Variants in LRRC7 observed in about 807,000 individuals in gnomAD.
LRRC7 encodes leucine rich repeat containing 7, also known as leucine-rich repeat-containing protein 7.
A neutral mutation model predicts 175.7 loss-of-function variants in LRRC7; 23 were observed. That is an observed-to-expected ratio of 0.13 (90% CI 0.09 to 0.19). The LOEUF (loss-of-function observed/expected upper bound fraction) is 0.19. Among genes scored for constraint, LRRC7 ranks in the 10% least tolerant of loss-of-function variants. LRRC7 has a pLI of 1.00. For synonymous variants in LRRC7, 685 were observed against 680.9 expected (o/e 1.01, Z -0.09); for missense variants, 1,354 against 1,904.7 (o/e 0.71, Z 5.38).
At chr1:70,120,588 CTAAT>C (rs1558085464) in intron 26 of LRRC7, among the ~76,000 whole-genome samples, 1 of 151,866 alleles carries the variant, frequency 6.6e-6, no homozygotes, top group Non-Finnish European at 1.5e-5. Flanking sequence ...CTGAAAGAGT[CTAAT>C]TATTAAGTGA....
intron 23 of LRRC7, among the ~76,000 whole-genome samples, chr1:70,074,450 G>A (rs1466131443): frequency 6.6e-6 from 1 of 152,160 alleles, no homozygotes; most frequent in East Asian, 1.9e-4. Flanking sequence ...GAAAGGAATA[G>A]ATACAATAGA....
At chr1:69,903,317 C>T (rs1298908115) in intron 7 of LRRC7, among the ~76,000 whole-genome samples, 3 of 152,120 alleles carry the variant, frequency 2.0e-5, no homozygotes, top group African/African-American at 7.2e-5. Context: ...TGGTTGCAGC[C>T]CACAGAGGGC....
chr1:69,661,719 A>G (rs1277074916), intron 1 of LRRC7, among the ~76,000 whole-genome samples: 1 of 152,184 alleles, frequency 6.6e-6, no homozygotes, highest in Admixed American at 6.5e-5. Flanking sequence ...GCAGAAGTCC[A>G]GGGAAGCACT....
intron 7 of LRRC7, among the ~76,000 whole-genome samples, chr1:69,865,454 T>C (rs1452865732): frequency 4.9e-5 from 7 of 142,584 alleles, no homozygotes; most frequent in Admixed American, 1.5e-4. Context: ...ATAAGCAAGC[T>C]GCTGAAGACA....
In LRRC7 at chr1:70,082,781, ATTTTTTTTTTTTT is replaced by A. The variant is rs1172403797; in HGVS notation, c.4452+6502_4452+6514del. On this transcript the variant is annotated intron_variant, in intron 24 of 26. Coordinates refer to ENST00000651989, the MANE Select transcript of LRRC7 (RefSeq NM_001370785.2). ...TATTAGTCAATCTTGATACCAGTAC[ATTTTTTTTTTTTT>A]TTTTTTTTTTTTTTTTTTGAGACAA... Among the ~76,000 whole-genome samples, 42 of 52,308 alleles carry A rather than the reference ATTTTTTTTTTTTT, an allele frequency of 8.0e-4. 1 individual carries two copies. Among genetic ancestry groups the A allele is most frequent in the South Asian group, 1.7e-3 (2 of 1,192 alleles). The allele number at this position is 52,308 out of a possible 152,430, so 34.3% of individuals were successfully genotyped here.
In LRRC7 at chr1:69,769,345, G is replaced by T. The variant is rs528647148; in HGVS notation, c.303+8952G>T. 2.0e-5 allele frequency among the ~76,000 whole-genome samples: 3 copies of T among 152,254 alleles called. No homozygotes were observed. In the East Asian group the frequency reaches 5.8e-4, roughly 29 times the overall value. On this transcript the variant is annotated intron_variant, in intron 3 of 26. Transcript: ENST00000651989. ...GTGAAAGTAATTTAAAAAGAGCAAA[G>T]TAATCTACAGGTTGAGCATCCCTAA...
chr1:70,055,639 A>G (rs144517692), intron 23 of LRRC7, among the ~76,000 whole-genome samples: 1 of 152,280 alleles, frequency 6.6e-6, no homozygotes, highest in East Asian at 1.9e-4. Context: ...TGTGGAAGCA[A>G]AGGGGAAGCA....
intron 2 of LRRC7, among the ~76,000 whole-genome samples, chr1:69,695,533 T>C (rs1350045651): frequency 1.3e-5 from 2 of 152,198 alleles, no homozygotes; most frequent in Non-Finnish European, 2.9e-5. Context: ...GCTAGAGAGC[T>C]TTGCATGACT....
Position 69,825,759 on chromosome 1 carries a change from T to G in LRRC7, c.433T>G (p.Phe145Val). The G allele has an allele frequency of 6.2e-7, 1 of 1,603,420 alleles. No individual in the cohort carries two copies. The highest frequency in any genetic ancestry group is 8.5e-7 in the Non-Finnish European group (1 of 1,174,304). ...TTTTCACATTTTAGGTGTACAAGAA[T>G]TTCCAGAAAACATAAAGTGCTGTAA... Reference protein sequence around the residue: ...LDISKNGVQEFPENIKCCKCL... With the variant: ...LDISKNGVQEVPENIKCCKCL... The change falls in exon 5 of 27, where the codon TTT becomes GTT. Residue 145 changes from phenylalanine to valine, a missense_variant. Physicochemically the swap from Phe to Val is conservative, Grantham distance 50. Coordinates refer to ENST00000651989, the MANE Select transcript of LRRC7 (RefSeq NM_001370785.2).
At chr1:69,880,068 G>A (rs909374280) in intron 7 of LRRC7, among the ~76,000 whole-genome samples, 14 of 152,150 alleles carry the variant, frequency 9.2e-5, no homozygotes, top group African/African-American at 2.7e-4. Context: ...GTATTTCTCC[G>A]GGAAATGCTC....
chr1:69,998,092 A>C (rs935968258), intron 11 of LRRC7, among the ~76,000 whole-genome samples: 8 of 152,160 alleles, frequency 5.3e-5, no homozygotes, highest in Admixed American at 3.3e-4. Flanking sequence ...TACTGTAACA[A>C]ATTTGGTATT....
chr1:69,764,783 A>C (rs866658197), intron 3 of LRRC7, among the ~76,000 whole-genome samples: 2 of 142,428 alleles, frequency 1.4e-5, no homozygotes, highest in Middle Eastern at 3.6e-3. Context: ...ATAGATAGAC[A>C]GACAGACAGA....
chr1:70,005,126 C>T (rs1322798350), intron 11 of LRRC7, among the ~76,000 whole-genome samples: 1 of 151,600 alleles, frequency 6.6e-6, no homozygotes, highest in Non-Finnish European at 1.5e-5. Context: ...ATTTACTCTT[C>T]ATTGAAACTC....
At chr1:69,717,982 AGAG>A (rs1665803941) in intron 2 of LRRC7, among the ~76,000 whole-genome samples, 1 of 138,258 alleles carries the variant, frequency 7.2e-6, no homozygotes, top group Admixed American at 7.3e-5. Flanking sequence ...AGAGAAAGAA[AGAG>A]GAGGGAGAGA....
At chr1:70,031,864 T>C (rs1392361159) in intron 18 of LRRC7, among the ~76,000 whole-genome samples, 1 of 151,894 alleles carries the variant, frequency 6.6e-6, no homozygotes, top group African/African-American at 2.4e-5. Context: ...AGTGGTGCGA[T>C]CTCAGCTCAC....
At position 69,921,486 on chromosome 1, in the gene LRRC7, A is replaced by G. The variant is rs1308188121; in HGVS notation, c.648-10021A>G. The stretch of plus-strand genomic sequence containing the variant: ...TTCTAATATACTCTCACTCCTATTC[A>G]ACTAAGAGACTATCTTTAATTTTTT... On this transcript the variant is annotated intron_variant, in intron 7 of 26. Coordinates refer to ENST00000651989, the MANE Select transcript of LRRC7 (RefSeq NM_001370785.2). Among the ~76,000 whole-genome samples, 5 of 152,126 alleles carry G rather than the reference A, an allele frequency of 3.3e-5. No individual in the cohort carries two copies. The East Asian group carries it at 9.6e-4, about 29-fold the overall frequency.
intron 1 of LRRC7, among the ~76,000 whole-genome samples, chr1:69,643,712 G>A (rs541933380): frequency 6.6e-6 from 1 of 152,006 alleles, no homozygotes; most frequent in South Asian, 2.1e-4. Context: ...TCAGGCTGAG[G>A]GATTAATGTC....
chr1:70,021,307 T>C (rs1231647125), intron 16 of LRRC7, 178 bp downstream of exon 16: 2 of 534,238 alleles, frequency 3.7e-6, no homozygotes, highest in East Asian at 7.4e-5. Context: ...ATGAGACTAA[T>C]GTCCCAAATC....
chr1:70,117,677 T>A (rs900137339), intron 26 of LRRC7, among the ~76,000 whole-genome samples: 3 of 150,118 alleles, frequency 2.0e-5, no homozygotes, highest in African/African-American at 7.3e-5. Flanking sequence ...ACCCATTAAT[T>A]ACATATTTTT....
Sources: gnomAD v4.1 joint callset for allele counts (sites outside exome capture counted in the v4.1 genomes callset) on GRCh38, gnomAD v4.1.1 for gene constraint, MANE v1.5 for transcripts, NCBI Gene and HGNC (gene_info 2026-07-23, HGNC 2026-07-21) for gene names.